The following C16orf78 variants were observed in gnomAD, a reference collection of about 807,000 sequenced individuals.
The protein encoded by C16orf78 is uncharacterized protein C16orf78.
Under a neutral mutation model 27.3 loss-of-function variants are expected in C16orf78, and 19 were observed. That is an observed-to-expected ratio of 0.70 (90% CI 0.49 to 1.02). The LOEUF (loss-of-function observed/expected upper bound fraction) is 1.02, where lower values mean the gene tolerates loss of function less well. Among genes scored for constraint, C16orf78 ranks in the 50% least tolerant of loss-of-function variants. The probability of loss-of-function intolerance (pLI) is 0.00; values close to 1 mark genes in which losing one functional copy is unlikely to be tolerated. For synonymous variants in C16orf78, 130 were observed against 116.1 expected (o/e 1.12, Z -0.77); for missense variants, 339 against 337.0 (o/e 1.01, Z -0.05).
At chr16:49,377,518 C>T (rs908440501) in intron 1 of C16orf78, among the ~76,000 whole-genome samples, 1 of 152,098 alleles carries the variant, frequency 6.6e-6, no homozygotes, top group Non-Finnish European at 1.5e-5. Flanking sequence ...AGGACCAGGC[C>T]TGAGGCTCAG....
intron 3 of C16orf78, 42 bp downstream of exon 3, chr16:49,378,635 C>T (rs1474344315): frequency 6.2e-7 from 1 of 1,611,290 alleles, no homozygotes; most frequent in Non-Finnish European, 8.5e-7. Flanking sequence ...AATCCTGCTC[C>T]ATAATCTCCT....
chr16:49,382,082 C>G (rs1189642429), intron 3 of C16orf78, among the ~76,000 whole-genome samples: 9 of 152,074 alleles, frequency 5.9e-5, no homozygotes, highest in Non-Finnish European at 1.3e-4. Flanking sequence ...TACTATGCAG[C>G]CATAAAAAAT....
At chr16:49,387,755 G>A (rs1385529402) in intron 3 of C16orf78, among the ~76,000 whole-genome samples, 1 of 152,058 alleles carries the variant, frequency 6.6e-6, no homozygotes, top group Non-Finnish European at 1.5e-5. Context: ...GTCTGTTCAG[G>A]GATTCAGTTT....
intron 3 of C16orf78, among the ~76,000 whole-genome samples, chr16:49,394,865 CTTGT>C (rs778777733): frequency 4.6e-5 from 7 of 151,738 alleles, no homozygotes; most frequent in African/African-American, 7.2e-5. Flanking sequence ...TTTTTGTTTG[CTTGT>C]TTGTTTGTTT....
intron 1 of C16orf78, among the ~76,000 whole-genome samples, chr16:49,375,294 T>C (rs950497234): frequency 6.6e-6 from 1 of 152,078 alleles, no homozygotes; most frequent in African/African-American, 2.4e-5. Flanking sequence ...ATTCTCATAC[T>C]GCTACAAAGA....
intron 3 of C16orf78, among the ~76,000 whole-genome samples, chr16:49,384,074 C>T (rs1056797335): frequency 3.3e-5 from 5 of 152,104 alleles, no homozygotes; most frequent in African/African-American, 4.8e-5. Context: ...AAAGGCCAGG[C>T]ACGGTGGCTC....
intron 3 of C16orf78, among the ~76,000 whole-genome samples, chr16:49,388,109 A>G (rs1026928492): frequency 3.9e-5 from 6 of 152,054 alleles, no homozygotes; most frequent in African/African-American, 1.4e-4. Context: ...ACATAGTGAG[A>G]TCCTGTCTCT....
intron 3 of C16orf78, among the ~76,000 whole-genome samples, chr16:49,388,661 G>A (rs1567393186): frequency 1.3e-5 from 2 of 152,140 alleles, no homozygotes; most frequent in African/African-American, 2.4e-5. Context: ...ACAGGTGCAC[G>A]CCACCATGGC....
At chr16:49,389,784 T>G (rs766157007) in intron 3 of C16orf78, among the ~76,000 whole-genome samples, 76 of 152,132 alleles carry the variant, frequency 5.0e-4, no homozygotes, top group Admixed American at 1.3e-4. Context: ...ACCCCGCAAG[T>G]GTTATGATTT....
intron 3 of C16orf78, among the ~76,000 whole-genome samples, chr16:49,389,898 C>G (rs1965393357): frequency 6.6e-6 from 1 of 152,178 alleles, no homozygotes; most frequent in Admixed American, 6.5e-5. Context: ...GAATAATTTT[C>G]CTTCTACCTG....
intron 1 of C16orf78, among the ~76,000 whole-genome samples, chr16:49,376,247 T>A (rs1260658782): frequency 6.6e-6 from 1 of 152,222 alleles, no homozygotes; most frequent in Non-Finnish European, 1.5e-5. Flanking sequence ...CTGCTCATGG[T>A]ATTTCCCCCT....
At chr16:49,380,215 C>T (rs1244756317) in intron 3 of C16orf78, among the ~76,000 whole-genome samples, 1 of 152,176 alleles carries the variant, frequency 6.6e-6, no homozygotes, top group Non-Finnish European at 1.5e-5. Flanking sequence ...TTCCTTGCTC[C>T]TCAGCTTGCA....
intron 3 of C16orf78, 104 bp downstream of exon 3, chr16:49,378,697 G>A (rs27783): frequency 0.15 from 218,887 of 1,507,946 alleles, 17,418 homozygotes; most frequent in South Asian, 0.17. Context: ...TAGCGTCCAC[G>A]TCAATCCAAC....
intron 4 of C16orf78, among the ~76,000 whole-genome samples, chr16:49,398,704 T>C (rs1488086127): frequency 6.6e-6 from 1 of 152,236 alleles, no homozygotes; most frequent in Non-Finnish European, 1.5e-5. Flanking sequence ...GCCTTTTAAT[T>C]AAGATCCTTG....
intron 3 of C16orf78, among the ~76,000 whole-genome samples, chr16:49,388,134 AT>A (rs1032921149): frequency 3.4e-4 from 51 of 151,584 alleles, no homozygotes; most frequent in Non-Finnish European, 5.3e-4. Context: ...AGAAAAAAAA[AT>A]TTTTTTTTAA....
intron 4 of C16orf78, among the ~76,000 whole-genome samples, chr16:49,397,834 C>T (rs182226583): frequency 9.9e-5 from 15 of 152,268 alleles, no homozygotes; most frequent in African/African-American, 2.6e-4. Flanking sequence ...GATGTGATCT[C>T]GGCTCACTGC....
At chr16:49,390,333 C>A (rs149709609) in intron 3 of C16orf78, among the ~76,000 whole-genome samples, 2 of 152,202 alleles carry the variant, frequency 1.3e-5, no homozygotes, top group African/African-American at 4.8e-5. Context: ...TTTCTCCATT[C>A]TCTCCCCTCT....
At chr16:49,393,182 C>T (rs1567394439) in intron 3 of C16orf78, among the ~76,000 whole-genome samples, 1 of 152,074 alleles carries the variant, frequency 6.6e-6, no homozygotes, top group East Asian at 1.9e-4. Context: ...CGATACATAG[C>T]CTTCCAACCC....
At chr16:49,380,788 C>A (rs1965276590) in intron 3 of C16orf78, among the ~76,000 whole-genome samples, 1 of 151,950 alleles carries the variant, frequency 6.6e-6, no homozygotes, top group African/African-American at 2.4e-5. Context: ...AGTCTTTAAT[C>A]CATCTTGAAT....
Sources: allele counts gnomAD v4.1 joint callset (sites outside exome capture counted in the v4.1 genomes callset), GRCh38; gene constraint gnomAD v4.1.1; transcripts MANE v1.5; gene names NCBI Gene and HGNC (gene_info 2026-07-23, HGNC 2026-07-21).